The following TRAPPC9 variants were observed in gnomAD, a reference collection of about 807,000 sequenced individuals.
TRAPPC9 encodes the protein IKK2 binding protein.
Under a neutral mutation model 124.0 loss-of-function variants are expected in TRAPPC9, and 83 were observed. That is an observed-to-expected ratio of 0.67 (90% CI 0.56 to 0.80). TRAPPC9 has a LOEUF of 0.80. Among genes scored for constraint, TRAPPC9 ranks in the 30% least tolerant of loss-of-function variants. The probability of loss-of-function intolerance (pLI) is 0.00; values close to 1 mark genes in which losing one functional copy is unlikely to be tolerated. For missense variants in TRAPPC9, 1,302 were observed against 1,508.3 expected, an observed-to-expected ratio of 0.86 and a Z score of 2.27; for synonymous variants, 638 against 617.5, an observed-to-expected ratio of 1.03 and a Z score of -0.49.
chr8:140,132,546 C>T (rs899029715), intron 17 of TRAPPC9, among the ~76,000 whole-genome samples: 11 of 152,204 alleles, frequency 7.2e-5, no homozygotes, highest in Non-Finnish European at 1.0e-4. Context: ...AGCCCACCAA[C>T]GCAGAGCTTG....
intron 19 of TRAPPC9, among the ~76,000 whole-genome samples, chr8:139,929,789 C>T (rs1324432410): frequency 3.3e-5 from 5 of 152,224 alleles, no homozygotes; most frequent in East Asian, 1.9e-4. Context: ...GCCTGGGCAG[C>T]GCTGGCCAGG....
At chr8:140,420,449 A>G (rs1015160161) in intron 5 of TRAPPC9, among the ~76,000 whole-genome samples, 2 of 152,162 alleles carry the variant, frequency 1.3e-5, no homozygotes, top group African/African-American at 4.8e-5. Context: ...CAGAAGACTT[A>G]CACTTCCCAA....
rs1324426809 is a variant in TRAPPC9, at chr8:139,776,654, G to A, written c.3056-44452C>T. On this transcript the variant is annotated intron_variant, in intron 21 of 22. Transcript: ENST00000438773. The surrounding 1 kb of genome is among the most constrained non-coding windows in gnomAD (Gnocchi z 4.1). ...GGTCCCGTCATCTGCCTGTGTGCAC[G>A]TGTGTGTCTGTGTGTGTGTGCGCAC... Among the ~76,000 whole-genome samples, 1 of 152,042 alleles carries A rather than the reference G, an allele frequency of 6.6e-6. No homozygotes were observed. The highest frequency in any genetic ancestry group is 1.5e-5 in the Non-Finnish European group (1 of 68,018).
chr8:140,439,842 A>G (rs1219628149), intron 2 of TRAPPC9, among the ~76,000 whole-genome samples: 1 of 148,172 alleles, frequency 6.7e-6, no homozygotes, highest in Non-Finnish European at 1.5e-5. Context: ...TTTAAATGTT[A>G]TATTTCTTAA....
chr8:140,277,814 C>T (rs988403532), intron 14 of TRAPPC9, among the ~76,000 whole-genome samples: 7 of 152,206 alleles, frequency 4.6e-5, no homozygotes, highest in African/African-American at 1.2e-4. Context: ...AGATGAGGAC[C>T]GGGAGCTTCT....
chr8:139,892,212 C>T (rs1361139937), intron 20 of TRAPPC9, among the ~76,000 whole-genome samples: 1 of 152,244 alleles, frequency 6.6e-6, no homozygotes, highest in Non-Finnish European at 1.5e-5. Context: ...TGCTGTGCTG[C>T]TCTGGCCCCC....
intron 17 of TRAPPC9, among the ~76,000 whole-genome samples, chr8:140,074,119 A>C (rs962988180): frequency 6.6e-6 from 1 of 152,160 alleles, no homozygotes; most frequent in East Asian, 1.9e-4. Context: ...CAAAATTCCA[A>C]AGGCATCGTG....
At chr8:140,089,552 A>G (rs1471002430) in intron 17 of TRAPPC9, among the ~76,000 whole-genome samples, 5 of 152,210 alleles carry the variant, frequency 3.3e-5, no homozygotes, top group Non-Finnish European at 7.3e-5. Context: ...ATGAAAAGAA[A>G]AGCCTTTCTT....
intron 21 of TRAPPC9, among the ~76,000 whole-genome samples, chr8:139,795,295 G>A (rs948882894): frequency 6.6e-6 from 1 of 151,988 alleles, no homozygotes; most frequent in African/African-American, 2.4e-5. Flanking sequence ...GCGCACTGCC[G>A]AGAAGTCAGG....
At position 140,435,103 on chromosome 8, in the gene TRAPPC9, A is replaced by G; in HGVS notation, c.859+9T>C. The G allele has an allele frequency of 6.2e-7, 1 of 1,614,264 alleles. No individual in the cohort carries two copies. Among genetic ancestry groups the G allele is most frequent in the Non-Finnish European group, 8.5e-7 (1 of 1,180,048 alleles). On this transcript the variant is annotated intron_variant, in intron 4 of 22. Transcript: ENST00000438773. Reference sequence around the variant, plus strand: ...AGTGAGCAGAGGCCGGAAAAAGGGCAGAGCTCACCTGGCCGGTGTCTATTG... The same window carrying G: ...AGTGAGCAGAGGCCGGAAAAAGGGCGGAGCTCACCTGGCCGGTGTCTATTG...
At chr8:139,856,783 G>A (rs935708633) in intron 21 of TRAPPC9, among the ~76,000 whole-genome samples, 7 of 151,320 alleles carry the variant, frequency 4.6e-5, no homozygotes, top group Non-Finnish European at 5.9e-5. Context: ...GGGGATGGAG[G>A]AAAAGTACAG....
intron 9 of TRAPPC9, among the ~76,000 whole-genome samples, chr8:140,340,703 C>G (rs2067169148): frequency 6.6e-6 from 1 of 152,224 alleles, no homozygotes; most frequent in African/African-American, 2.4e-5. Flanking sequence ...TTAAAGATCA[C>G]AGCCCCTACT....
At chr8:139,933,380 C>G (rs1399428875) in intron 19 of TRAPPC9, 2 of 152,282 alleles carry the variant, frequency 1.3e-5, no homozygotes, top group African/African-American at 4.8e-5. Flanking sequence ...GATATCATCT[C>G]TCCTGCAGGA....
intron 21 of TRAPPC9, among the ~76,000 whole-genome samples, chr8:139,819,926 T>A (rs541967884): frequency 5.2e-5 from 7 of 134,158 alleles, no homozygotes; most frequent in African/African-American, 2.0e-4. Flanking sequence ...GGCAGGAGAA[T>A]CACCCCGGGA....
rs2071449072 is a variant in TRAPPC9, at chr8:140,451,218, G to A, written c.156C>T (p.Val52=). The A allele has an allele frequency of 6.2e-7, 1 of 1,614,072 alleles. No individual in the cohort carries two copies. The highest frequency in any genetic ancestry group is 2.2e-5 in the East Asian group (1 of 44,878). Residue 52 remains valine, a synonymous_variant, in exon 2 of 23, where the codon GTC becomes GTT. Transcript: ENST00000438773. ...SQISVRDSQR[V]LYIRYRHHYP... is the part of the protein sequence containing the mutation. ...AGTGGTGCCTGTAGCGGATGTAGAG[G>A]ACTCGCTGGGAGTCCCGCACGCTGA...
intron 17 of TRAPPC9, among the ~76,000 whole-genome samples, chr8:140,116,078 T>C (rs895741237): frequency 6.6e-6 from 1 of 151,960 alleles, no homozygotes; most frequent in Admixed American, 6.5e-5. Flanking sequence ...GGCAAAGAGG[T>C]GTGACAAAGA....
At chr8:139,980,171 C>G (rs1402888421) in intron 19 of TRAPPC9, among the ~76,000 whole-genome samples, 1 of 152,198 alleles carries the variant, frequency 6.6e-6, no homozygotes, top group Non-Finnish European at 1.5e-5. Flanking sequence ...GACCACACCC[C>G]TCCCTGCAGC....
intron 19 of TRAPPC9, among the ~76,000 whole-genome samples, chr8:139,929,662 C>T (rs867023398): frequency 3.9e-5 from 6 of 152,242 alleles, no homozygotes; most frequent in Non-Finnish European, 7.3e-5. Flanking sequence ...GAATACTGTC[C>T]TCTTCTGAAA....
chr8:140,253,586 G>A (rs913639396), intron 15 of TRAPPC9, among the ~76,000 whole-genome samples: 1 of 152,138 alleles, frequency 6.6e-6, no homozygotes, highest in Middle Eastern at 3.4e-3. Flanking sequence ...GCTGAGGCAG[G>A]AGAATCGCTT....
Sources: gnomAD v4.1 joint callset for allele counts (sites outside exome capture counted in the v4.1 genomes callset) on GRCh38, gnomAD v4.1.1 for gene constraint, Gnocchi (gnomAD v3.1) non-coding constraint, MANE v1.5 for transcripts, NCBI Gene and HGNC (gene_info 2026-07-23, HGNC 2026-07-21) for gene names.